RHOU: variants seen among roughly 807,000 people sequenced by gnomAD.
RHOU encodes the protein rho-related GTP-binding protein RhoU.
A neutral mutation model predicts 12.6 loss-of-function variants in RHOU; 8 were observed. That is an observed-to-expected ratio of 0.64 (90% CI 0.37 to 1.15). The LOEUF is 1.15. RHOU is among the 50% of genes most tolerant of loss of function. The probability of loss-of-function intolerance (pLI) is 0.01; values close to 1 mark genes in which losing one functional copy is unlikely to be tolerated. For synonymous variants in RHOU, 161 were observed against 147.4 expected (o/e 1.09, Z -0.67); for missense variants, 258 against 347.0 (o/e 0.74, Z 2.04).
the RHOU span, among the ~76,000 whole-genome samples, chr1:228,696,658 C>T: frequency 6.6e-6 from 1 of 152,092 alleles, no homozygotes; most frequent in African/African-American, 2.4e-5. Context: ...AGCGTTCCTC[C>T]CATCTCAGCC....
At chr1:228,663,449 A>T in the RHOU span, among the ~76,000 whole-genome samples, 1 of 152,160 alleles carries the variant, frequency 6.6e-6, no homozygotes, top group Non-Finnish European at 1.5e-5. Flanking sequence ...TTCTCAACTC[A>T]TAGGAAAGCA....
At chr1:228,714,740 C>CTTTTTTTTTTTTTT in the RHOU span, among the ~76,000 whole-genome samples, 2 of 83,710 alleles carry the variant, frequency 2.4e-5, no homozygotes, top group African/African-American at 5.4e-5. Context: ...TGTTAATTAT[C>CTTTTTTTTTTTTTT]TTTTTTTTTT....
At chr1:228,689,746 G>A in the RHOU span, among the ~76,000 whole-genome samples, 2 of 151,768 alleles carry the variant, frequency 1.3e-5, no homozygotes, top group Non-Finnish European at 2.9e-5. Flanking sequence ...GGCTCTTAAT[G>A]ATAATCTAAC....
At chr1:228,699,175 G>A in the RHOU span, among the ~76,000 whole-genome samples, 2 of 151,600 alleles carry the variant, frequency 1.3e-5, no homozygotes, top group African/African-American at 4.9e-5. Flanking sequence ...GCTCACACCT[G>A]TAACCTCAGC....
the RHOU span, among the ~76,000 whole-genome samples, chr1:228,705,453 T>C: frequency 6.6e-6 from 1 of 152,326 alleles, no homozygotes; most frequent in Admixed American, 6.5e-5. Context: ...ATCTCATTTT[T>C]ACATTGAATG....
the RHOU span, among the ~76,000 whole-genome samples, chr1:228,662,721 AC>A: frequency 2.6e-5 from 4 of 152,014 alleles, no homozygotes; most frequent in Non-Finnish European, 5.9e-5. Flanking sequence ...TAGGAGAAAT[AC>A]CTAATGTAAA....
chr1:228,708,999 G>A, the RHOU span, among the ~76,000 whole-genome samples: 3 of 151,936 alleles, frequency 2.0e-5, no homozygotes, highest in South Asian at 6.2e-4. Flanking sequence ...AAAAGGAAGG[G>A]GTTGCAATCC....
the RHOU span, among the ~76,000 whole-genome samples, chr1:228,681,355 A>T: frequency 6.6e-6 from 1 of 152,100 alleles, no homozygotes; most frequent in Non-Finnish European, 1.5e-5. Flanking sequence ...TTGGAGCCTG[A>T]TTCAGCCTGG....
the RHOU span, among the ~76,000 whole-genome samples, chr1:228,652,779 C>CTTTTA: frequency 1.6e-4 from 24 of 152,246 alleles, 1 homozygote; most frequent in Middle Eastern, 3.4e-3. Flanking sequence ...GTTTTCATGA[C>CTTTTA]TTTTATTTAA....
At chr1:228,654,303 C>G in the RHOU span, among the ~76,000 whole-genome samples, 12 of 152,090 alleles carry the variant, frequency 7.9e-5, no homozygotes, top group Non-Finnish European at 1.2e-4. Context: ...GATGATGTGT[C>G]TCTTTGTTGC....
chr1:228,680,552 T>A, the RHOU span, among the ~76,000 whole-genome samples: 2 of 152,210 alleles, frequency 1.3e-5, no homozygotes, highest in Non-Finnish European at 2.9e-5. Context: ...TCTGGCCACC[T>A]CCTCTCTATT....
chr1:228,679,648 C>A, the RHOU span, among the ~76,000 whole-genome samples: 1 of 152,096 alleles, frequency 6.6e-6, no homozygotes, highest in South Asian at 2.1e-4. Context: ...AGTTTATAGG[C>A]TTTAAAAGGC....
the RHOU span, among the ~76,000 whole-genome samples, chr1:228,689,507 T>C: frequency 6.6e-6 from 1 of 152,150 alleles, no homozygotes; most frequent in Non-Finnish European, 1.5e-5. Flanking sequence ...GGGCTACAAA[T>C]GAATATGCAA....
At chr1:228,693,688 C>A in the RHOU span, among the ~76,000 whole-genome samples, 1 of 152,066 alleles carries the variant, frequency 6.6e-6, no homozygotes, top group South Asian at 2.1e-4. Flanking sequence ...GGCTGGTCTC[C>A]AACTCCTGAC....
chr1:228,659,953 T>TA, the RHOU span, among the ~76,000 whole-genome samples: 5 of 56,788 alleles, frequency 8.8e-5, no homozygotes, highest in South Asian at 5.2e-4. Context: ...ACCTGGTCTC[T>TA]ACAAAAAAAA....
the RHOU span, among the ~76,000 whole-genome samples, chr1:228,717,082 G>C: frequency 6.6e-6 from 1 of 152,194 alleles, no homozygotes; most frequent in Non-Finnish European, 1.5e-5. Context: ...CTTGCTATCA[G>C]TGCAGATGAC....
the RHOU span, among the ~76,000 whole-genome samples, chr1:228,705,175 A>T: frequency 6.6e-6 from 1 of 152,014 alleles, no homozygotes; most frequent in African/African-American, 2.4e-5. Context: ...ATCGGTAGGC[A>T]TCCCTGGAAG....
At chr1:228,674,891 C>T in the RHOU span, among the ~76,000 whole-genome samples, 1,454 of 152,044 alleles carry the variant, frequency 9.6e-3, 28 homozygotes, top group African/African-American at 0.033. Flanking sequence ...CCACCATGCC[C>T]GGCTAATTTT....
At chr1:228,662,864 A>G in the RHOU span, among the ~76,000 whole-genome samples, 3 of 152,202 alleles carry the variant, frequency 2.0e-5, no homozygotes, top group Non-Finnish European at 4.4e-5. Flanking sequence ...ATCAAGGGGA[A>G]TGGCAGAGAT....
Sources: allele counts gnomAD v4.1 joint callset (sites outside exome capture counted in the v4.1 genomes callset), GRCh38; gene constraint gnomAD v4.1.1; transcripts MANE v1.5; gene names NCBI Gene and HGNC (gene_info 2026-07-23, HGNC 2026-07-21).